The following TXNL4A variants were observed in gnomAD, a reference collection of about 807,000 sequenced individuals.
The protein encoded by TXNL4A is thioredoxin like 4A.
Under a neutral mutation model 14.6 loss-of-function variants are expected in TXNL4A, and 17 were observed. The ratio of observed to expected loss-of-function variants is 1.16; its 90% CI spans 0.80 to 1.74. The LOEUF is 1.74. Among genes scored for constraint, TXNL4A ranks in the 40% most tolerant of loss-of-function variants. TXNL4A has a pLI of 0.00. For synonymous variants in TXNL4A, 83 were observed against 70.6 expected (o/e 1.18, Z -0.88); for missense variants, 74 against 195.2 (o/e 0.38, Z 3.70).
intron 1 of TXNL4A, among the ~76,000 whole-genome samples, chr18:80,005,550 G>A (rs2051724365): frequency 6.6e-6 from 1 of 152,214 alleles, no homozygotes; most frequent in South Asian, 2.1e-4. Flanking sequence ...CTGGATAAAT[G>A]AATATGGAAA....
chr18:80,023,875 C>G (rs1176135267), intron 1 of TXNL4A, among the ~76,000 whole-genome samples: 1 of 152,140 alleles, frequency 6.6e-6, no homozygotes, highest in African/African-American at 2.4e-5. Flanking sequence ...AATTTGAAGC[C>G]CTCAAAGTCA....
At chr18:80,023,698 C>A (rs1029501472) in intron 1 of TXNL4A, among the ~76,000 whole-genome samples, 1 of 152,140 alleles carries the variant, frequency 6.6e-6, no homozygotes, top group African/African-American at 2.4e-5. Flanking sequence ...ATAGAAGGGA[C>A]CTTACTAGGT....
intron 1 of TXNL4A, among the ~76,000 whole-genome samples, chr18:79,983,148 C>A (rs184057266): frequency 2.0e-4 from 31 of 152,170 alleles, no homozygotes; most frequent in African/African-American, 6.7e-4. Flanking sequence ...TTACAAGCGC[C>A]CACCACCACA....
At chr18:80,021,317 T>C (rs1361045413) in intron 1 of TXNL4A, among the ~76,000 whole-genome samples, 2 of 152,030 alleles carry the variant, frequency 1.3e-5, no homozygotes, top group Non-Finnish European at 2.9e-5. Flanking sequence ...GCTGGGACTA[T>C]GGGCACCCGC....
chr18:80,028,805 G>A (rs1004111125), intron 1 of TXNL4A, among the ~76,000 whole-genome samples: 4 of 152,240 alleles, frequency 2.6e-5, no homozygotes, highest in East Asian at 1.9e-4. Context: ...ATGGAAAGAC[G>A]GAGGATATTT....
At chr18:80,029,096 G>C (rs1049886085) in intron 1 of TXNL4A, among the ~76,000 whole-genome samples, 4 of 152,210 alleles carry the variant, frequency 2.6e-5, no homozygotes, top group African/African-American at 9.6e-5. Context: ...CCTGGAAACA[G>C]TCAGGGAGAC....
chr18:79,999,836 G>A (rs987535158), intron 1 of TXNL4A, among the ~76,000 whole-genome samples: 19 of 152,162 alleles, frequency 1.2e-4, no homozygotes, highest in African/African-American at 3.9e-4. Context: ...AATCACGGGG[G>A]CAGTTTCCCT....
rs111262736 is a variant in TXNL4A, at chr18:79,982,012, C to G, written c.154-4311G>C. 2.7e-4 allele frequency among the ~76,000 whole-genome samples: 41 copies of G among 152,276 alleles called. No individual in the cohort carries two copies. Among genetic ancestry groups the G allele is most frequent in the African/African-American group, 8.9e-4 (37 of 41,558 alleles). On this transcript the variant is annotated intron_variant, in intron 1 of 2. Transcript: ENST00000269601. This position sits in a 1 kb window ranked among gnomAD's most constrained non-coding sequence, Gnocchi z 4.0. ...GTCACGTGAGTGATGCCCAGCCGCA[C>G]GGGGAAGGGGCAGAGCTGAGATGCA...
chr18:79,987,720 T>C (rs1008643031), intron 1 of TXNL4A, among the ~76,000 whole-genome samples: 1 of 152,258 alleles, frequency 6.6e-6, no homozygotes, highest in Non-Finnish European at 1.5e-5. Context: ...TTTCTCCTGA[T>C]GTTTACTGCA....
At chr18:79,983,374 T>C (rs752002503) in intron 1 of TXNL4A, among the ~76,000 whole-genome samples, 1 of 152,214 alleles carries the variant, frequency 6.6e-6, no homozygotes, top group Non-Finnish European at 1.5e-5. Context: ...ATACACCTCA[T>C]AAGCATGCTT....
chr18:80,017,320 T>G (rs1468475381), intron 1 of TXNL4A, among the ~76,000 whole-genome samples: 1 of 152,236 alleles, frequency 6.6e-6, no homozygotes, highest in African/African-American at 2.4e-5. Flanking sequence ...AGGGACAATT[T>G]GACTACCTCT....
chr18:79,988,551 C>G lies in TXNL4A; in HGVS notation c.-159G>C, dbSNP rs1216957853. 2.7e-6 allele frequency: 2 copies of G among 747,692 alleles called. No individual in the cohort carries two copies. Among genetic ancestry groups the G allele is most frequent in the Non-Finnish European group, 3.7e-6 (2 of 546,776 alleles). 46.3% of individuals were successfully genotyped at this position (747,692 alleles called of 1,614,324 possible). A position where few individuals can be genotyped will look rare whatever the true frequency, so the allele number is the denominator to read the frequency against. ...CGCAAACTCCGCTGGGACTGCCACC[C>G]GGCAGAACGTCTGGGCGCGCACGCA... On this transcript the variant is annotated 5_prime_UTR_variant, in exon 1 of 3. Coordinates refer to ENST00000269601, the MANE Select transcript of TXNL4A (RefSeq NM_006701.5).
intron 1 of TXNL4A, among the ~76,000 whole-genome samples, chr18:79,998,182 A>G (rs1363095233): frequency 6.6e-6 from 1 of 151,848 alleles, no homozygotes; most frequent in Non-Finnish European, 1.5e-5. Flanking sequence ...AGTCCCAGCT[A>G]CTCTGGAGGC....
At chr18:80,010,751 C>T (rs544529532) in intron 1 of TXNL4A, among the ~76,000 whole-genome samples, 29 of 152,282 alleles carry the variant, frequency 1.9e-4, no homozygotes, top group Middle Eastern at 3.4e-3. Context: ...CCAGGCACAA[C>T]GCCACGTGCT....
intron 1 of TXNL4A, among the ~76,000 whole-genome samples, chr18:79,996,021 G>A (rs886863024): frequency 1.4e-5 from 2 of 145,494 alleles, no homozygotes; most frequent in African/African-American, 5.0e-5. Context: ...GGAGAATGGC[G>A]TGAACCTGGG....
At chr18:80,033,185 A>G (rs1011926473) in intron 1 of TXNL4A, among the ~76,000 whole-genome samples, 2 of 152,192 alleles carry the variant, frequency 1.3e-5, no homozygotes, top group East Asian at 1.9e-4. Context: ...ATACATACGC[A>G]TACACACACA....
At chr18:79,986,827 C>A in intron 1 of TXNL4A, 1 of 955,178 alleles carries the variant, frequency 1.0e-6, no homozygotes, top group Admixed American at 6.2e-5. Flanking sequence ...TATTGGGAAA[C>A]TGCTCTTAGT....
chr18:80,014,372 A>G (rs1012491688), intron 1 of TXNL4A, among the ~76,000 whole-genome samples: 1 of 152,230 alleles, frequency 6.6e-6, no homozygotes, highest in Non-Finnish European at 1.5e-5. Flanking sequence ...ATAAAGGTAC[A>G]GGTATTGGGT....
At chr18:79,978,609 T>C (rs2051415507) in intron 1 of TXNL4A, among the ~76,000 whole-genome samples, 1 of 151,848 alleles carries the variant, frequency 6.6e-6, no homozygotes, top group Non-Finnish European at 1.5e-5. Context: ...TCCTCCCATC[T>C]CCGCCTCCCA....
Sources: gnomAD v4.1 joint callset for allele counts (sites outside exome capture counted in the v4.1 genomes callset) on GRCh38, gnomAD v4.1.1 for gene constraint, Gnocchi (gnomAD v3.1) non-coding constraint, MANE v1.5 for transcripts, NCBI Gene and HGNC (gene_info 2026-07-23, HGNC 2026-07-21) for gene names.